Variants in GLI3 observed in about 807,000 individuals in gnomAD.
GLI3 encodes the protein transcription activator GLI3.
A neutral mutation model predicts 100.8 loss-of-function variants in GLI3; 20 were observed. The ratio of observed to expected loss-of-function variants is 0.20; its 90% CI spans 0.14 to 0.29. The LOEUF is 0.29. Ranked by LOEUF, GLI3 falls within the 10% of genes least tolerant of loss-of-function variation. The pLI is 1.00. For synonymous variants in GLI3, 938 were observed against 860.5 expected (o/e 1.09, Z -1.58); for missense variants, 2,040 against 2,128.5 (o/e 0.96, Z 0.82).
chr7:42,240,234 T>C (rs570269924), upstream of GLI3, among the ~76,000 whole-genome samples: 1 of 152,234 alleles, frequency 6.6e-6, no homozygotes, highest in South Asian at 2.1e-4. Flanking sequence ...TCTTTTCAAA[T>C]GCAGATATCT....
At chr7:42,063,828 A>C (rs1357883333) in intron 4 of GLI3, among the ~76,000 whole-genome samples, 1 of 152,220 alleles carries the variant, frequency 6.6e-6, no homozygotes, top group Non-Finnish European at 1.5e-5. Flanking sequence ...GTAATCTGAC[A>C]GTAAGTATCT....
At chr7:42,109,508 C>T (rs1190311386) in intron 3 of GLI3, among the ~76,000 whole-genome samples, 1 of 152,112 alleles carries the variant, frequency 6.6e-6, no homozygotes, top group Admixed American at 6.5e-5. Context: ...AATGTCCTGC[C>T]CTTGAAGCCA....
In GLI3 at chr7:42,048,634, T is replaced by C; in HGVS notation, c.536A>G (p.His179Arg). 1 of 1,609,492 alleles carries C rather than the reference T, an allele frequency of 6.2e-7. No individual in the cohort carries two copies. Among genetic ancestry groups the C allele is most frequent in the Non-Finnish European group, 8.5e-7 (1 of 1,178,852 alleles). Residue 179 changes from histidine to arginine, a missense_variant, in exon 5 of 15, where the codon CAC becomes CGC. His to Arg is a conservative substitution (Grantham distance 29). This residue lies in a region of GLI3 where 603 missense variants were observed against 690.9 expected (regional missense o/e 0.87). Coordinates refer to ENST00000395925, the MANE Select transcript of GLI3 (RefSeq NM_000168.6). ...PDLPFIRISP[H>R]RNPTAASESP... is the part of the protein sequence containing the mutation. ...CTCGGAAGCAGCAGTGGGGTTCCGG[T>C]GTGGGGAGATCCTAATGAAGGGCAG...
At chr7:42,118,876 G>C (rs1431301921) in intron 3 of GLI3, among the ~76,000 whole-genome samples, 1 of 152,196 alleles carries the variant, frequency 6.6e-6, no homozygotes, top group Non-Finnish European at 1.5e-5. Context: ...TTTTGAAAGA[G>C]AAACGAACTC....
intron 3 of GLI3, chr7:42,113,511 A>G: frequency 9.0e-7 from 1 of 1,114,422 alleles, no homozygotes; most frequent in Non-Finnish European, 1.4e-6. Flanking sequence ...AAGGTACCCA[A>G]AGGGAAAAAG....
intron 1 of GLI3, among the ~76,000 whole-genome samples, chr7:42,250,867 C>T (rs1789023683): frequency 6.6e-6 from 1 of 152,168 alleles, no homozygotes; most frequent in African/African-American, 2.4e-5. Context: ...AATCAGACCT[C>T]TAAATACACA....
At chr7:42,040,376 T>G in intron 6 of GLI3, 137 bp from the exon 7 acceptor site, 3 of 712,950 alleles carry the variant, frequency 4.2e-6, no homozygotes, top group Non-Finnish European at 7.7e-6. Flanking sequence ...TCCTCCCCCA[T>G]GTGATCTACT....
intron 2 of GLI3, among the ~76,000 whole-genome samples, chr7:42,213,858 C>T (rs566840803): frequency 6.6e-6 from 1 of 152,380 alleles, no homozygotes; most frequent in East Asian, 1.9e-4. Flanking sequence ...TTTCCACCCA[C>T]TAGTAATAAT....
Position 42,034,598 on chromosome 7 carries a change from A to G in GLI3, c.1028+5440T>C, listed in dbSNP as rs145378290. 5.0e-3 allele frequency among the ~76,000 whole-genome samples: 755 copies of G among 152,094 alleles called. 6 individuals are homozygous for G. Among genetic ancestry groups the G allele is most frequent in the African/African-American group, 0.017 (715 of 41,466 alleles). ...CTGTCATCTGCTGACAGTTCCCCCA[A>G]TGCCTTACTCCTCCCACCTCAGGGC... On this transcript the variant is annotated intron_variant, in intron 7 of 14. Transcript: ENST00000395925.
At chr7:42,191,391 C>T (rs1368981289) in intron 2 of GLI3, among the ~76,000 whole-genome samples, 1 of 152,068 alleles carries the variant, frequency 6.6e-6, no homozygotes, top group Non-Finnish European at 1.5e-5. Context: ...ATCCATTGAT[C>T]CATTGAATTC....
intron 2 of GLI3, among the ~76,000 whole-genome samples, chr7:42,185,468 T>G (rs961002148): frequency 2.1e-4 from 32 of 152,316 alleles, no homozygotes; most frequent in African/African-American, 7.5e-4. Flanking sequence ...CACACGCTCT[T>G]CAAGCCACAT....
intron 4 of GLI3, among the ~76,000 whole-genome samples, chr7:42,061,817 C>G (rs528332112): frequency 2.0e-5 from 3 of 152,254 alleles, no homozygotes; most frequent in African/African-American, 7.2e-5. Flanking sequence ...AACAGAAAAG[C>G]AGCATCAACT....
chr7:42,030,696 GTTT>G (rs201325272), intron 7 of GLI3, among the ~76,000 whole-genome samples: 1 of 133,472 alleles, frequency 7.5e-6, no homozygotes, highest in African/African-American at 2.7e-5. Flanking sequence ...TTGTTGATTT[GTTT>G]TTTTTTTTTT....
chr7:42,010,904 G>A (rs1323784492), intron 10 of GLI3, among the ~76,000 whole-genome samples: 1 of 152,014 alleles, frequency 6.6e-6, no homozygotes, highest in Non-Finnish European at 1.5e-5. Context: ...CAACTAGGAG[G>A]GACCACAGCA....
At chr7:42,078,125 G>C (rs548664371) in intron 3 of GLI3, among the ~76,000 whole-genome samples, 1 of 152,176 alleles carries the variant, frequency 6.6e-6, no homozygotes, top group East Asian at 1.9e-4. Flanking sequence ...TGCACAGAGC[G>C]TCCCCCCGCT....
chr7:42,040,172 T>G lies in GLI3; in HGVS notation c.894A>C (p.Pro298=), dbSNP rs781705853. 2.5e-5 allele frequency: 40 copies of G among 1,613,334 alleles called. No homozygotes were observed. The highest frequency in any genetic ancestry group is 8.5e-7 in the Non-Finnish European group (1 of 1,179,722). Residue 298 remains proline (P), a synonymous_variant, in exon 7 of 15, where the codon CCA becomes CCC. Coordinates refer to ENST00000395925, the MANE Select transcript of GLI3 (RefSeq NM_000168.6). ...PSRKRTLSIS[P]LSDHSFDLQT... ...GAAGGTCAAAGCTATGATCGGAGAGTGGTGATATGGACAGTGTACGTTTTC... is the reference window on the plus strand; with the variant it reads ...GAAGGTCAAAGCTATGATCGGAGAGGGGTGATATGGACAGTGTACGTTTTC...
chr7:42,197,354 T>C (rs1787947482), intron 2 of GLI3, among the ~76,000 whole-genome samples: 1 of 152,228 alleles, frequency 6.6e-6, no homozygotes, highest in African/African-American at 2.4e-5. Flanking sequence ...GATACCAAGA[T>C]GCCCCGGCAG....
intron 1 of GLI3, among the ~76,000 whole-genome samples, chr7:42,226,866 T>C (rs1788590712): frequency 6.6e-6 from 1 of 152,056 alleles, no homozygotes; most frequent in African/African-American, 2.4e-5. Flanking sequence ...CCGCTTTGAG[T>C]TGTGGTGATG....
At chr7:42,252,182 C>A (rs1044441178) in intron 1 of GLI3, among the ~76,000 whole-genome samples, 3 of 43,096 alleles carry the variant, frequency 7.0e-5, no homozygotes, top group African/African-American at 1.5e-4. Flanking sequence ...AATGAGATCA[C>A]GTCTTGTGAG....
Sources: allele counts gnomAD v4.1 joint callset (sites outside exome capture counted in the v4.1 genomes callset), GRCh38; gene constraint gnomAD v4.1.1; regional missense constraint gnomAD v4.1.1; transcripts MANE v1.5; gene names NCBI Gene and HGNC (gene_info 2026-07-23, HGNC 2026-07-21).